TP53I13: variants seen among roughly 807,000 people sequenced by gnomAD.
TP53I13 encodes the protein tumor protein p53-inducible protein 13.
A neutral mutation model predicts 39.1 loss-of-function variants in TP53I13; 27 were observed. The ratio of observed to expected loss-of-function variants is 0.69; its 90% CI spans 0.51 to 0.95. TP53I13 has a LOEUF of 0.95. Ranked by LOEUF, TP53I13 falls within the 40% of genes least tolerant of loss-of-function variation. TP53I13 has a pLI of 0.00. For synonymous variants in TP53I13, 230 were observed against 224.6 expected, an observed-to-expected ratio of 1.02 and a Z score of -0.22; for missense variants, 544 against 520.4, an observed-to-expected ratio of 1.05 and a Z score of -0.44.
At chr17:29,568,655 G>T, upstream of TP53I13, 1 of 743,534 alleles carries the variant, frequency 1.3e-6, no homozygotes, top group Non-Finnish European at 1.6e-6. The surrounding 1 kb of genome is among the most constrained non-coding windows in gnomAD (Gnocchi z 4.5). Context: ...GGACGCGCGG[G>T]CGGCGCGGGC....
Position 29,572,987 on chromosome 17 carries a change from C to T in TP53I13, c.*63C>T, listed in dbSNP as rs2033025019. On this transcript the variant is annotated 3_prime_UTR_variant, in exon 7 of 7. Transcript: ENST00000301057. ...CCGCGCCGCGAGGCCGCGACCTCTG[C>T]CACGTGGACCGCGCGCGGGGCGCTC... The T allele has an allele frequency of 5.5e-6, 7 of 1,270,108 alleles. No individual in the cohort carries two copies. The South Asian group carries it at 1.4e-4, about 25-fold the overall frequency. 78.7% of individuals were successfully genotyped at this position (1,270,108 alleles called of 1,614,324 possible). A position where few individuals can be genotyped will look rare whatever the true frequency, so the allele number is the denominator to read the frequency against.
the TP53I13 span, among the ~76,000 whole-genome samples, chr17:29,580,643 T>G: frequency 6.6e-6 from 1 of 152,136 alleles, no homozygotes; most frequent in Non-Finnish European, 1.5e-5. Flanking sequence ...GTCACAAAGT[T>G]AGTCACATCC....
chr17:29,579,130 T>C, the TP53I13 span: 6 of 703,482 alleles, frequency 8.5e-6, no homozygotes, highest in Non-Finnish European at 1.5e-5. Flanking sequence ...GCTGAATTCA[T>C]CTCACCGCGT....
At chr17:29,567,867 T>C (rs1441515355), upstream of TP53I13, among the ~76,000 whole-genome samples, 3 of 152,044 alleles carry the variant, frequency 2.0e-5, no homozygotes, top group East Asian at 5.8e-4. The surrounding 1 kb of genome is among the most constrained non-coding windows in gnomAD (Gnocchi z 6.6). Flanking sequence ...TTCCAAGCTT[T>C]GGGATAGGCA....
the TP53I13 span, chr17:29,579,048 G>A: frequency 7.3e-6 from 11 of 1,502,034 alleles, no homozygotes; most frequent in Non-Finnish European, 1.0e-5. Flanking sequence ...TTACCCAGGA[G>A]CAGGGCAGCA....
chr17:29,572,327 G>A lies in TP53I13; in HGVS notation c.699G>A (p.Lys233=), dbSNP rs746188067. ...CTTCCCCAGGGAGCTTGAAGGCCAAGCAGTCCATGGCGGGAATCCCTGGTA... is the reference window on the plus strand; with the variant it reads ...CTTCCCCAGGGAGCTTGAAGGCCAAACAGTCCATGGCGGGAATCCCTGGTA... The part of the protein sequence containing the change: ...PSASPGSLKA[K]QSMAGIPGRE... Residue 233 remains lysine (K), a synonymous_variant, in exon 6 of 7, where the codon AAG becomes AAA. Transcript: ENST00000301057. 5.0e-6 allele frequency: 8 copies of A among 1,611,874 alleles called. No individual in the cohort carries two copies. In the East Asian group the frequency reaches 1.3e-4, roughly 27 times the overall value.
At chr17:29,574,974 C>T (rs758953228), downstream of TP53I13, 1 of 1,491,546 alleles carries the variant, frequency 6.7e-7, no homozygotes, top group Admixed American at 1.9e-5. Context: ...GAGATCAGGG[C>T]CCAGTTTGTC....
chr17:29,572,872 C>A lies in TP53I13; in HGVS notation c.1130C>A (p.Pro377His), dbSNP rs1462850911. The A allele has an allele frequency of 6.6e-7, 1 of 1,520,478 alleles. No homozygotes were observed. The highest frequency in any genetic ancestry group is 1.2e-5 in the South Asian group (1 of 82,306). The allele number at this position is 1,520,478 out of a possible 1,614,324, so 94.2% of individuals were successfully genotyped here. ...SRRVKRSRRR[P>H]LLPPTPDSGP... ...CGGGTCAAGCGCTCGCGCCGGAGACCCCTCCTCCCGCCCACGCCGGACAGC... is the reference window on the plus strand; with the variant it reads ...CGGGTCAAGCGCTCGCGCCGGAGACACCTCCTCCCGCCCACGCCGGACAGC... Residue 377 changes from proline (P) to histidine (H), a missense_variant, in exon 7 of 7, where the codon CCC becomes CAC. Transcript: ENST00000301057.
rs2032971757 is a variant in TP53I13, at chr17:29,572,269, A to G, written c.641A>G (p.Gln214Arg). 1 of 1,612,724 alleles carries G rather than the reference A, an allele frequency of 6.2e-7. No individual in the cohort carries two copies. Among genetic ancestry groups the G allele is most frequent in the African/African-American group, 1.3e-5 (1 of 74,938 alleles). ...RRRLRAALGP[Q>R]PTRSALRFPS... ...AGGCTGCGGGCTGCCCTTGGTCCCC[A>G]GCCCACTCGCTCAGCCCTGAGGTTT... The change falls in exon 6 of 7, where the codon CAG becomes CGG. Residue 214 changes from glutamine to arginine, a missense_variant. Physicochemically the swap from Gln to Arg is conservative, Grantham distance 43. Coordinates refer to ENST00000301057, the MANE Select transcript of TP53I13 (RefSeq NM_138349.4).
the TP53I13 span, chr17:29,578,901 A>G: frequency 6.3e-7 from 1 of 1,588,116 alleles, no homozygotes. Flanking sequence ...GATGCTGCAC[A>G]CCAAATGCCT....
At position 29,571,875 on chromosome 17, in the gene TP53I13, T is replaced by C; in HGVS notation, c.331T>C (p.Trp111Arg). The C allele has an allele frequency of 6.2e-7, 1 of 1,613,184 alleles. No homozygotes were observed. The change falls in exon 5 of 7, where the codon TGG (tryptophan) becomes CGG (arginine). Residue 111 changes from tryptophan (W) to arginine (R), a missense_variant. By Grantham distance (101) the Trp-to-Arg change is moderately radical. Transcript: ENST00000301057. ...CTCGTAGCCCCTGGTGCTGACTGCA[T>C]GGGGGCTGGCGCTGGAGATGGCCTG... is the stretch of plus-strand genomic sequence containing the variant. ...TQDRPLVLTA[W>R]GLALEMAWVE...
At chr17:29,582,240 G>A in the TP53I13 span, 2 of 903,456 alleles carry the variant, frequency 2.2e-6, no homozygotes, top group South Asian at 1.6e-5. Context: ...ACACCTAGCA[G>A]CTCCAAGGAG....
downstream of TP53I13, chr17:29,575,272 C>T (rs761903268): frequency 2.2e-5 from 35 of 1,602,280 alleles, no homozygotes; most frequent in Non-Finnish European, 2.8e-5. This position sits in a 1 kb window ranked among gnomAD's most constrained non-coding sequence, Gnocchi z 5.5. Flanking sequence ...CCCTCACCTC[C>T]CCCTCCACTC....
At chr17:29,576,054 T>G (rs2033183228), downstream of TP53I13, 2 of 1,612,402 alleles carry the variant, frequency 1.2e-6, no homozygotes, top group African/African-American at 2.7e-5. Context: ...CTGGCTAAGA[T>G]GGACACGCCT....
downstream of TP53I13, chr17:29,574,794 G>T: frequency 6.2e-7 from 1 of 1,612,974 alleles, no homozygotes. Flanking sequence ...TGAGTCAGCA[G>T]CTGGAAGTCC....
downstream of TP53I13, chr17:29,576,081 G>A (rs1326458548): frequency 4.3e-6 from 7 of 1,613,564 alleles, no homozygotes; most frequent in East Asian, 4.5e-5. Context: ...GGCTTACCCG[G>A]TAAAGGCCAG....
chr17:29,577,173 C>T (rs760872380), downstream of TP53I13: 3 of 1,614,006 alleles, frequency 1.9e-6, no homozygotes, highest in Non-Finnish European at 1.7e-6. Flanking sequence ...GCTGTCTCCG[C>T]TTGGCCTCAC....
At chr17:29,567,911 C>T (rs117116953), upstream of TP53I13, 946 of 152,312 alleles carry the variant, frequency 6.2e-3, 6 homozygotes, top group Admixed American at 0.014. The surrounding 1 kb of genome is among the most constrained non-coding windows in gnomAD (Gnocchi z 6.6). Flanking sequence ...CGTTTCCCCC[C>T]CAAATCCTGG....
chr17:29,566,672 A>G (rs1242855186), upstream of TP53I13: 1 of 1,598,062 alleles, frequency 6.3e-7, no homozygotes, highest in Non-Finnish European at 8.5e-7. Context: ...GAGAACCAGG[A>G]GCGCGGGCCG....
Sources: gnomAD v4.1 joint callset for allele counts (sites outside exome capture counted in the v4.1 genomes callset) on GRCh38, gnomAD v4.1.1 for gene constraint, Gnocchi (gnomAD v3.1) non-coding constraint, MANE v1.5 for transcripts, NCBI Gene and HGNC (gene_info 2026-07-23, HGNC 2026-07-21) for gene names.